The following CCDC91 variants were observed in gnomAD, a reference collection of about 807,000 sequenced individuals.
CCDC91 encodes the protein coiled-coil domain-containing protein 91.
Under a neutral mutation model 63.2 loss-of-function variants are expected in CCDC91, and 48 were observed. That is an observed-to-expected ratio of 0.76 (90% confidence interval 0.60 to 0.97). CCDC91 has a LOEUF of 0.97. CCDC91 is among the 50% of genes least tolerant of loss of function. The pLI, the probability that CCDC91 is intolerant of heterozygous loss-of-function variation, is 0.00. For synonymous variants in CCDC91, 167 were observed against 165.8 expected (o/e 1.01, Z -0.06); for missense variants, 500 against 494.6 (o/e 1.01, Z -0.10).
chr12:28,434,554 T>C (rs1948795039), intron 8 of CCDC91, among the ~76,000 whole-genome samples: 1 of 150,168 alleles, frequency 6.7e-6, no homozygotes, highest in African/African-American at 2.4e-5. Flanking sequence ...ATGTTCATAC[T>C]GTTCTGCAGT....
In CCDC91 at chr12:28,306,818, C is replaced by T; in HGVS notation, c.344C>T (p.Thr115Ile). The part of the protein sequence containing the change: ...LGLTDEKSNG[T>I]IALVDDSEDP... ...TTAACTGATGAAAAAAGTAATGGAACAATTGCCCTTGTGGATGATTCTGAG... is the reference window on the plus strand; with the variant it reads ...TTAACTGATGAAAAAAGTAATGGAATAATTGCCCTTGTGGATGATTCTGAG... The change falls in exon 5 of 13, where the codon ACA (threonine) becomes ATA (isoleucine). Residue 115 changes from threonine (T) to isoleucine (I), a missense_variant. Coordinates refer to ENST00000536442, the MANE Select transcript of CCDC91 (RefSeq NM_018318.5). 1 of 1,611,740 alleles carries T rather than the reference C, an allele frequency of 6.2e-7. No individual in the cohort carries two copies. Among genetic ancestry groups the T allele is most frequent in the East Asian group, 2.2e-5 (1 of 44,746 alleles).
At chr12:28,320,480 C>T (rs1940378998) in intron 6 of CCDC91, among the ~76,000 whole-genome samples, 1 of 151,652 alleles carries the variant, frequency 6.6e-6, no homozygotes. Flanking sequence ...GTGAAGCAAA[C>T]CTGTTATTTT....
intron 3 of CCDC91, among the ~76,000 whole-genome samples, chr12:28,283,961 A>G (rs1948759025): frequency 6.6e-6 from 1 of 152,140 alleles, no homozygotes; most frequent in Non-Finnish European, 1.5e-5. Context: ...TCTGCCAGGC[A>G]TGCTATTCTT....
intron 12 of CCDC91, among the ~76,000 whole-genome samples, chr12:28,515,132 T>G (rs186491097): frequency 6.5e-4 from 99 of 151,662 alleles, no homozygotes; most frequent in African/African-American, 2.1e-3. Context: ...ATCATTTGTG[T>G]TTTTTTTCCC....
At chr12:28,296,752 A>G (rs910013920) in intron 3 of CCDC91, among the ~76,000 whole-genome samples, 1 of 151,974 alleles carries the variant, frequency 6.6e-6, no homozygotes, top group Non-Finnish European at 1.5e-5. Context: ...TTTAAAAGAA[A>G]TGTGTACACT....
intron 6 of CCDC91, among the ~76,000 whole-genome samples, chr12:28,359,719 A>G (rs190849764): frequency 2.9e-4 from 43 of 150,524 alleles, no homozygotes; most frequent in Admixed American, 2.6e-3. Flanking sequence ...GGTAGGATAT[A>G]TGCATCCCAA....
intron 12 of CCDC91, among the ~76,000 whole-genome samples, chr12:28,530,102 A>G (rs922619255): frequency 1.1e-4 from 17 of 152,200 alleles, no homozygotes; most frequent in African/African-American, 4.1e-4. Context: ...AACAGCATCT[A>G]TTTCCCTTCC....
chr12:28,327,860 C>G (rs1941156805), intron 6 of CCDC91, among the ~76,000 whole-genome samples: 1 of 152,052 alleles, frequency 6.6e-6, no homozygotes, highest in Admixed American at 6.6e-5. Context: ...TGAATCTCAT[C>G]AGTCTTAGCA....
intron 11 of CCDC91, among the ~76,000 whole-genome samples, chr12:28,479,255 CAT>C (rs1951302974): frequency 1.3e-5 from 2 of 152,124 alleles, no homozygotes; most frequent in East Asian, 1.9e-4. Context: ...AAATGTGACA[CAT>C]GTACACCATG....
At chr12:28,304,920 GA>G (rs1938544602) in intron 3 of CCDC91, among the ~76,000 whole-genome samples, 1 of 151,892 alleles carries the variant, frequency 6.6e-6, no homozygotes, top group East Asian at 1.9e-4. Flanking sequence ...TCCCTTTCAG[GA>G]CCTTTATATT....
intron 3 of CCDC91, among the ~76,000 whole-genome samples, chr12:28,296,116 G>C (rs1949549772): frequency 6.6e-6 from 1 of 151,186 alleles, no homozygotes; most frequent in Admixed American, 6.6e-5. Flanking sequence ...AAGAAGCAGT[G>C]GGGAATGAAA....
At chr12:28,466,917 C>A (rs983464812) in intron 11 of CCDC91, among the ~76,000 whole-genome samples, 2 of 151,980 alleles carry the variant, frequency 1.3e-5, no homozygotes, top group African/African-American at 4.8e-5. Context: ...GTTTTCAAGA[C>A]AATACAGTAA....
At chr12:28,249,388 T>C (rs1230177979) in intron 1 of CCDC91, among the ~76,000 whole-genome samples, 1 of 152,150 alleles carries the variant, frequency 6.6e-6, no homozygotes, top group East Asian at 1.9e-4. Context: ...AACCAAGAGT[T>C]GTATAGAAAT....
In CCDC91 at chr12:28,206,983, A is replaced by G. The variant is rs147488872; in HGVS notation, c.-15+16342A>G. 2.2e-3 allele frequency among the ~76,000 whole-genome samples: 341 copies of G among 152,336 alleles called. 2 individuals carry two copies. Among genetic ancestry groups the G allele is most frequent in the African/African-American group, 8.0e-3 (332 of 41,584 alleles). On this transcript the variant is annotated intron_variant, in intron 1 of 12. Coordinates refer to ENST00000536442, the MANE Select transcript of CCDC91 (RefSeq NM_018318.5). ...ATCAATGTTCTGTTTCTGACTGATT[A>G]TGAGGCAAAGTTTCTCACTCACATT...
intron 8 of CCDC91, among the ~76,000 whole-genome samples, chr12:28,419,700 A>G (rs918577960): frequency 2.6e-5 from 4 of 151,998 alleles, no homozygotes; most frequent in Non-Finnish European, 2.9e-5. Flanking sequence ...AACATTTACT[A>G]TGTGCCAAGT....
intron 1 of CCDC91, among the ~76,000 whole-genome samples, chr12:28,201,196 G>C (rs992847110): frequency 6.6e-5 from 10 of 151,238 alleles, no homozygotes; most frequent in Admixed American, 2.6e-4. Context: ...CCCAGACGGG[G>C]TGACTGCTGG....
At position 28,430,255 on chromosome 12, in the gene CCDC91, A is replaced by C. The variant is rs191947760; in HGVS notation, c.763-19906A>C. Reference sequence around the variant, plus strand: ...ATAGTTTTTAAAAGGAAAGGATGGAATAGAACAAGGGAGAAAATGCTTAAA... The same window carrying C: ...ATAGTTTTTAAAAGGAAAGGATGGACTAGAACAAGGGAGAAAATGCTTAAA... On this transcript the variant is annotated intron_variant, in intron 8 of 12. Transcript: ENST00000536442. Among the ~76,000 whole-genome samples, 330 of 152,176 alleles carry C rather than the reference A, an allele frequency of 2.2e-3. 3 individuals carry two copies. The highest frequency in any genetic ancestry group is 7.5e-3 in the African/African-American group (312 of 41,560).
rs75193900 is a variant in CCDC91, at chr12:28,398,478, G to A, written c.762+7067G>A. Among the ~76,000 whole-genome samples the A allele has an allele frequency of 2.3e-4, 35 of 152,230 alleles. No homozygotes were observed. In the East Asian group the frequency reaches 5.0e-3, roughly 22 times the overall value. ...AAATTTGGGGCTGCTTTAAATGTTT[G>A]CATATAAACTGTGTGGGGATATATA... On this transcript the variant is annotated intron_variant, in intron 8 of 12. Transcript: ENST00000536442.
At chr12:28,326,278 C>T (rs1210513917) in intron 6 of CCDC91, among the ~76,000 whole-genome samples, 1 of 151,888 alleles carries the variant, frequency 6.6e-6, no homozygotes, top group East Asian at 1.9e-4. Flanking sequence ...TTGAGCAAGA[C>T]TAAATTTTTT....
Sources: allele counts gnomAD v4.1 joint callset (sites outside exome capture counted in the v4.1 genomes callset), GRCh38; gene constraint gnomAD v4.1.1; transcripts MANE v1.5; gene names NCBI Gene and HGNC (gene_info 2026-07-23, HGNC 2026-07-21).